ANXA10: variants seen among roughly 807,000 people sequenced by gnomAD.
The protein encoded by ANXA10 is annexin A10, also known as annexin 14.
A neutral mutation model predicts 53.5 loss-of-function variants in ANXA10; 49 were observed. That is an observed-to-expected ratio of 0.92 (90% CI 0.73 to 1.16). The LOEUF is 1.16. ANXA10 is among the 50% of genes most tolerant of loss of function. The pLI, the probability that ANXA10 is intolerant of heterozygous loss-of-function variation, is 0.00. For synonymous variants in ANXA10, 131 were observed against 128.9 expected (o/e 1.02, Z -0.11); for missense variants, 393 against 394.4 (o/e 1.00, Z 0.03).
At chr4:168,126,832 A>T (rs550853340) in intron 1 of ANXA10, among the ~76,000 whole-genome samples, 36 of 152,312 alleles carry the variant, frequency 2.4e-4, no homozygotes, top group African/African-American at 8.7e-4. Flanking sequence ...TTTTTGGTCT[A>T]CTTCAAATAG....
intron 1 of ANXA10, among the ~76,000 whole-genome samples, chr4:168,124,400 G>A (rs1359843926): frequency 6.6e-6 from 1 of 152,132 alleles, no homozygotes; most frequent in Admixed American, 6.5e-5. Context: ...GGAATAGAGA[G>A]GCTCAGGAGA....
At chr4:168,121,944 A>T (rs926137378) in intron 1 of ANXA10, among the ~76,000 whole-genome samples, 1 of 152,088 alleles carries the variant, frequency 6.6e-6, no homozygotes, top group African/African-American at 2.4e-5. Context: ...CCTGGGTTCA[A>T]GCAATTCTCT....
chr4:168,138,702 AT>A (rs1193057126), intron 2 of ANXA10, among the ~76,000 whole-genome samples: 2 of 152,068 alleles, frequency 1.3e-5, no homozygotes, highest in African/African-American at 4.8e-5. Flanking sequence ...AATTTTAGTG[AT>A]ATTTATTCTT....
chr4:168,114,053 A>G (rs935677328), intron 1 of ANXA10, among the ~76,000 whole-genome samples: 1 of 152,212 alleles, frequency 6.6e-6, no homozygotes, highest in African/African-American at 2.4e-5. Context: ...AGAGAATGCT[A>G]AGGGCAATTT....
chr4:168,169,818 C>G (rs75777854), intron 6 of ANXA10, among the ~76,000 whole-genome samples: 3,682 of 152,302 alleles, frequency 0.024, 200 homozygotes, highest in East Asian at 0.14. Flanking sequence ...AAACTCAAAT[C>G]CTCTTAGCAT....
chr4:168,109,439 C>A (rs1050488761), intron 1 of ANXA10, among the ~76,000 whole-genome samples: 2 of 152,092 alleles, frequency 1.3e-5, no homozygotes, highest in African/African-American at 4.8e-5. Flanking sequence ...AAATCGATAT[C>A]AAATACTCCA....
intron 3 of ANXA10, among the ~76,000 whole-genome samples, chr4:168,157,186 G>T (rs746613214): frequency 6.6e-6 from 1 of 152,038 alleles, no homozygotes; most frequent in Non-Finnish European, 1.5e-5. Context: ...TCACAATATT[G>T]AGTACAATTT....
intron 2 of ANXA10, among the ~76,000 whole-genome samples, chr4:168,130,406 A>G (rs1187199873): frequency 6.6e-6 from 1 of 152,048 alleles, no homozygotes; most frequent in Admixed American, 6.6e-5. Flanking sequence ...ATCTATGCTC[A>G]TGAGAAATGT....
At chr4:168,134,876 T>G (rs1014420210) in intron 2 of ANXA10, among the ~76,000 whole-genome samples, 13 of 152,180 alleles carry the variant, frequency 8.5e-5, no homozygotes, top group African/African-American at 3.1e-4. Flanking sequence ...TCTTAACACT[T>G]GTTCTCATTT....
At chr4:168,124,151 T>G (rs975860908) in intron 1 of ANXA10, among the ~76,000 whole-genome samples, 5 of 152,152 alleles carry the variant, frequency 3.3e-5, no homozygotes, top group African/African-American at 1.2e-4. Context: ...CAGGATAAAA[T>G]AGAGGGCACC....
chr4:168,104,140 T>C (rs1200485723), intron 1 of ANXA10, among the ~76,000 whole-genome samples: 1 of 151,962 alleles, frequency 6.6e-6, no homozygotes, highest in Non-Finnish European at 1.5e-5. Context: ...TTTTTCTGCA[T>C]CATGTTTTGA....
At chr4:168,134,621 G>A (rs1456659460) in intron 2 of ANXA10, among the ~76,000 whole-genome samples, 1 of 152,056 alleles carries the variant, frequency 6.6e-6, no homozygotes, top group Non-Finnish European at 1.5e-5. Context: ...TCCTCTACTG[G>A]TTTTGTTTTG....
intron 3 of ANXA10, among the ~76,000 whole-genome samples, chr4:168,153,981 T>TACACAC (rs35992092): frequency 3.1e-4 from 46 of 149,330 alleles, no homozygotes; most frequent in African/African-American, 5.6e-4. Flanking sequence ...TAGCTATGTA[T>TACACAC]ACACACACAC....
chr4:168,172,786 ATTT>A (rs34280639), intron 6 of ANXA10, among the ~76,000 whole-genome samples: 64,303 of 133,246 alleles, frequency 0.48, 14,939 homozygotes, highest in Non-Finnish European at 0.52. Context: ...GTATGTTGCC[ATTT>A]TTTTTTTTTT....
At chr4:168,183,783 T>A (rs1732307448) in intron 10 of ANXA10, among the ~76,000 whole-genome samples, 1 of 152,208 alleles carries the variant, frequency 6.6e-6, no homozygotes, top group African/African-American at 2.4e-5. Flanking sequence ...GATCTACATT[T>A]TAAGTTTGAA....
intron 8 of ANXA10, 24 bp downstream of exon 8, chr4:168,178,007 C>G (rs1560792325): frequency 6.2e-7 from 1 of 1,601,796 alleles, no homozygotes; most frequent in African/African-American, 1.3e-5. Context: ...GGGTTTCGTT[C>G]CAGCTACTTG....
intron 2 of ANXA10, among the ~76,000 whole-genome samples, chr4:168,138,609 G>A (rs774623707): frequency 1.3e-5 from 2 of 151,628 alleles, no homozygotes; most frequent in Non-Finnish European, 2.9e-5. Flanking sequence ...CTTTAGGATT[G>A]TTTGTCATAA....
rs1036806705 is a variant in ANXA10, at chr4:168,161,844, T to A, written c.196-684T>A. The stretch of plus-strand genomic sequence containing the variant: ...GTAGCAATTGTGAATTGGAAGTCAT[T>A]CATGATTTGGCTCTTGGCTTGCCTG... On this transcript the variant is annotated intron_variant, in intron 3 of 11. Transcript: ENST00000359299. Among the ~76,000 whole-genome samples, 23 of 152,300 alleles carry A rather than the reference T, an allele frequency of 1.5e-4. No homozygotes were observed. The East Asian group carries it at 4.2e-3, about 28-fold the overall frequency.
chr4:168,110,881 T>A (rs1730797118), intron 1 of ANXA10, among the ~76,000 whole-genome samples: 1 of 152,194 alleles, frequency 6.6e-6, no homozygotes, highest in Admixed American at 6.5e-5. Flanking sequence ...AATGATAGTC[T>A]ATCAGTGTAC....
Sources: gnomAD v4.1 joint callset for allele counts (sites outside exome capture counted in the v4.1 genomes callset) on GRCh38, gnomAD v4.1.1 for gene constraint, MANE v1.5 for transcripts, NCBI Gene and HGNC (gene_info 2026-07-23, HGNC 2026-07-21) for gene names.